Variants in NEBL observed in about 807,000 individuals in gnomAD.
The protein encoded by NEBL is nebulette.
In NEBL, 122 loss-of-function variants were observed where a neutral mutation model predicts 140.2. The ratio of observed to expected loss-of-function variants is 0.87; its 90% confidence interval spans 0.75 to 1.01. The LOEUF (loss-of-function observed/expected upper bound fraction) is 1.01. NEBL is among the 50% of genes least tolerant of loss of function. The pLI, the probability that NEBL is intolerant of heterozygous loss-of-function variation, is 0.00. For missense variants in NEBL, 1,365 were observed against 1,231.3 expected (o/e 1.11, Z -1.62); for synonymous variants, 436 against 398.9 (o/e 1.09, Z -1.11).
At chr10:21,136,384 A>G (rs1288648008) in intron 2 of NEBL, among the ~76,000 whole-genome samples, 1 of 152,166 alleles carries the variant, frequency 6.6e-6, no homozygotes, top group Non-Finnish European at 1.5e-5. Flanking sequence ...CCTGGAGTGC[A>G]GTGGCACCAT....
At chr10:21,207,852 G>T (rs1461317516) in intron 3 of NEBL, among the ~76,000 whole-genome samples, 1 of 152,116 alleles carries the variant, frequency 6.6e-6, no homozygotes, top group African/African-American at 2.4e-5. Context: ...AGGGTCCAAT[G>T]GGGTGAATCT....
chr10:20,820,396 A>T (rs1839179746), intron 19 of NEBL, among the ~76,000 whole-genome samples: 1 of 152,246 alleles, frequency 6.6e-6, no homozygotes, highest in Non-Finnish European at 1.5e-5. Context: ...GGCAGACAAA[A>T]GTAGAGCTGG....
chr10:20,855,658 T>C (rs1336772645), intron 9 of NEBL, among the ~76,000 whole-genome samples: 1 of 152,146 alleles, frequency 6.6e-6, no homozygotes, highest in African/African-American at 2.4e-5. Flanking sequence ...TATATATTTC[T>C]TAATTTATGT....
chr10:20,869,469 G>A (rs966561908), intron 6 of NEBL, among the ~76,000 whole-genome samples: 1 of 152,142 alleles, frequency 6.6e-6, no homozygotes, highest in African/African-American at 2.4e-5. Context: ...TTCAGGCTGA[G>A]ACATCTGAAT....
intron 2 of NEBL, among the ~76,000 whole-genome samples, chr10:21,077,853 T>C (rs1836173372): frequency 6.6e-6 from 1 of 152,018 alleles, no homozygotes; most frequent in African/African-American, 2.4e-5. Flanking sequence ...GCAGAACTGA[T>C]AGACCTTTCA....
At chr10:20,988,789 C>T (rs911504732) in intron 3 of NEBL, among the ~76,000 whole-genome samples, 1 of 152,206 alleles carries the variant, frequency 6.6e-6, no homozygotes, top group Non-Finnish European at 1.5e-5. Context: ...ATGGAAACCA[C>T]ACTTGGCAAA....
chr10:21,120,355 A>G (rs1838477748), intron 2 of NEBL, among the ~76,000 whole-genome samples: 2 of 134,668 alleles, frequency 1.5e-5, no homozygotes, highest in East Asian at 4.6e-4. Context: ...AGCCTGGGCA[A>G]CAGAGTGAGA....
intron 11 of NEBL, 64 bp downstream of exon 11, chr10:20,850,331 G>C: frequency 7.8e-7 from 1 of 1,285,132 alleles, no homozygotes; most frequent in South Asian, 1.2e-5. Context: ...AACATTCTGC[G>C]TCCTTTCAAA....
chr10:21,221,748 G>A (rs545472941), intron 3 of NEBL, among the ~76,000 whole-genome samples: 192 of 152,116 alleles, frequency 1.3e-3, no homozygotes, highest in Non-Finnish European at 9.6e-4. Context: ...CAAGTGATCC[G>A]CCCGCCTTGA....
At chr10:21,060,273 TC>T (rs1835216328) in intron 2 of NEBL, among the ~76,000 whole-genome samples, 2 of 152,170 alleles carry the variant, frequency 1.3e-5, no homozygotes, top group African/African-American at 4.8e-5. Flanking sequence ...TCACATTCCA[TC>T]TCGACTCATT....
At chr10:21,041,120 T>C (rs1280726586) in intron 2 of NEBL, among the ~76,000 whole-genome samples, 3 of 152,208 alleles carry the variant, frequency 2.0e-5, no homozygotes, top group Non-Finnish European at 4.4e-5. Flanking sequence ...GTAGACTGTA[T>C]GTCATGGGGG....
In NEBL at chr10:20,872,077, C is replaced by G. The variant is rs950974403; in HGVS notation, c.481-2236G>C. Reference sequence around the variant, plus strand: ...AAAGAATGAGGGTAAAAATGGAAACCCTTACTTTTTGAAAAGAACCACAAC... The same window carrying G: ...AAAGAATGAGGGTAAAAATGGAAACGCTTACTTTTTGAAAAGAACCACAAC... On this transcript the variant is annotated intron_variant, in intron 5 of 27. Transcript: ENST00000377122. Among the ~76,000 whole-genome samples the G allele has an allele frequency of 5.3e-5, 8 of 152,038 alleles. No homozygotes were observed. The East Asian group carries it at 1.5e-3, about 29-fold the overall frequency.
intron 7 of NEBL, among the ~76,000 whole-genome samples, chr10:20,860,558 C>A (rs1331529993): frequency 4.8e-5 from 1 of 20,916 alleles, no homozygotes; most frequent in Non-Finnish European, 1.3e-4. Flanking sequence ...CACAAGTTCA[C>A]TACAAAAAGA....
At chr10:21,093,150 C>CTTTTTTTTTT (rs4025884) in intron 2 of NEBL, among the ~76,000 whole-genome samples, 1,291 of 94,932 alleles carry the variant, frequency 0.014, 76 homozygotes, top group Non-Finnish European at 0.016. Flanking sequence ...AGCAACAAGT[C>CTTTTTTTTTT]TTTTTTTTTT....
intron 3 of NEBL, among the ~76,000 whole-genome samples, chr10:21,002,188 C>T (rs1162253656): frequency 6.6e-6 from 1 of 150,740 alleles, no homozygotes; most frequent in Non-Finnish European, 1.5e-5. Flanking sequence ...GGTGATGAAA[C>T]ATTGTTTTTT....
At chr10:20,841,682 T>C (rs1399824910) in intron 12 of NEBL, 1 of 151,934 alleles carries the variant, frequency 6.6e-6, no homozygotes, top group African/African-American at 2.4e-5. Context: ...GAAACCCAAC[T>C]CAAACTAGGG....
intron 3 of NEBL, among the ~76,000 whole-genome samples, chr10:21,012,766 C>T (rs1041353812): frequency 1.3e-5 from 2 of 152,140 alleles, no homozygotes; most frequent in East Asian, 3.9e-4. Context: ...GAACCACTTA[C>T]TCTTAACAAA....
intron 2 of NEBL, among the ~76,000 whole-genome samples, chr10:21,061,358 T>TGTG (rs1554822046): frequency 9.5e-5 from 14 of 147,862 alleles, no homozygotes; most frequent in East Asian, 4.0e-4. Context: ...TTACATAATA[T>TGTG]ATGGGTCAGA....
At chr10:21,053,081 G>T (rs922972987) in intron 2 of NEBL, among the ~76,000 whole-genome samples, 2 of 152,050 alleles carry the variant, frequency 1.3e-5, no homozygotes, top group African/African-American at 4.8e-5. Context: ...ACTATACATT[G>T]TATGTATGTA....
Sources: allele counts gnomAD v4.1 joint callset (sites outside exome capture counted in the v4.1 genomes callset), GRCh38; gene constraint gnomAD v4.1.1; transcripts MANE v1.5; gene names NCBI Gene and HGNC (gene_info 2026-07-23, HGNC 2026-07-21).